The following LANCL1 variants were observed in gnomAD, a reference collection of about 807,000 sequenced individuals.
LANCL1 encodes LanC like glutathione S-transferase 1, also known as glutathione S-transferase LANCL1.
LANCL1 carries 50 observed loss-of-function variants against 50.6 expected under a neutral mutation model. The ratio of observed to expected loss-of-function variants is 0.99; its 90% confidence interval spans 0.79 to 1.25. The LOEUF is 1.25. Ranked by LOEUF, LANCL1 falls within the 50% of genes most tolerant of loss-of-function variation. The pLI, the probability that LANCL1 is intolerant of heterozygous loss-of-function variation, is 0.00. For missense variants in LANCL1, 532 were observed against 480.7 expected (o/e 1.11, Z -1.00); for synonymous variants, 188 against 178.6 (o/e 1.05, Z -0.42).
chr2:210,456,034 T>A (rs1693665067), intron 3 of LANCL1, among the ~76,000 whole-genome samples: 1 of 152,174 alleles, frequency 6.6e-6, no homozygotes, highest in Non-Finnish European at 1.5e-5. Context: ...ACCCTACTCT[T>A]GAAGCCTGAA....
chr2:210,451,314 G>A (rs1027600117), intron 4 of LANCL1, among the ~76,000 whole-genome samples: 1 of 151,970 alleles, frequency 6.6e-6, no homozygotes, highest in Non-Finnish European at 1.5e-5. Context: ...CACACACCGG[G>A]GCCTGTCAGG....
chr2:210,474,718 C>A (rs1056405295), intron 2 of LANCL1, among the ~76,000 whole-genome samples: 7 of 120,952 alleles, frequency 5.8e-5, no homozygotes, highest in African/African-American at 2.3e-4. Context: ...GGGTGAGACT[C>A]CGTCTAAAAA....
intron 4 of LANCL1, among the ~76,000 whole-genome samples, chr2:210,450,300 A>G (rs1693473899): frequency 6.6e-6 from 1 of 152,120 alleles, no homozygotes; most frequent in Non-Finnish European, 1.5e-5. Context: ...TATACAGAAA[A>G]CTGAAACTGG....
intron 4 of LANCL1, among the ~76,000 whole-genome samples, chr2:210,451,289 C>T (rs113203861): frequency 0.08 from 12,040 of 149,762 alleles, 736 homozygotes; most frequent in Middle Eastern, 0.16. Flanking sequence ...CACATGGACA[C>T]GGGGAGGGGA....
At chr2:210,436,150 C>G in intron 8 of LANCL1, 66 bp downstream of exon 8, 2 of 1,430,470 alleles carry the variant, frequency 1.4e-6, no homozygotes, top group East Asian at 4.6e-5. Flanking sequence ...CTCAGCCTCC[C>G]AAAGTGCTGA....
intron 4 of LANCL1, among the ~76,000 whole-genome samples, chr2:210,452,616 G>C (rs978756556): frequency 1.3e-5 from 2 of 152,038 alleles, no homozygotes; most frequent in African/African-American, 4.8e-5. Context: ...AATATAATTT[G>C]GGGGTTTTAT....
intron 2 of LANCL1, among the ~76,000 whole-genome samples, chr2:210,472,607 A>C (rs1273742043): frequency 6.6e-6 from 1 of 152,234 alleles, no homozygotes; most frequent in Non-Finnish European, 1.5e-5. Context: ...TATCAAACTT[A>C]GCATCATAAA....
intron 8 of LANCL1, 43 bp downstream of exon 8, chr2:210,436,173 T>G: frequency 6.4e-7 from 1 of 1,571,794 alleles, no homozygotes; most frequent in Non-Finnish European, 8.7e-7. Context: ...TTTACAGGTG[T>G]GAGCCACCGA....
chr2:210,472,705 T>G (rs1277892897), intron 2 of LANCL1, among the ~76,000 whole-genome samples: 1 of 152,230 alleles, frequency 6.6e-6, no homozygotes, highest in Non-Finnish European at 1.5e-5. Context: ...TACCCGCTAT[T>G]AGCTGATCTT....
At chr2:210,467,189 C>T (rs10184506) in intron 3 of LANCL1, among the ~76,000 whole-genome samples, 20,005 of 152,228 alleles carry the variant, frequency 0.13, 1,695 homozygotes, top group African/African-American at 0.22. Flanking sequence ...ATTTCTGACA[C>T]GGATTCGTAT....
chr2:210,438,019 T>G, intron 6 of LANCL1, 147 bp from the exon 7 acceptor site: 1 of 512,980 alleles, frequency 1.9e-6, no homozygotes, highest in East Asian at 3.2e-5. Context: ...TTCCACCTAT[T>G]GGATGCCTTT....
intron 7 of LANCL1, among the ~76,000 whole-genome samples, chr2:210,436,608 C>A (rs1422700239): frequency 6.6e-6 from 1 of 152,112 alleles, no homozygotes; most frequent in Non-Finnish European, 1.5e-5. Flanking sequence ...CATGTACAGT[C>A]TAAGTTTTCT....
chr2:210,453,855 C>A (rs1004334908), intron 4 of LANCL1, among the ~76,000 whole-genome samples: 1 of 152,064 alleles, frequency 6.6e-6, no homozygotes, highest in Non-Finnish European at 1.5e-5. Context: ...GGGGAAATCA[C>A]TGTTTTGTTT....
Position 210,455,135 on chromosome 2 carries a change from CATT to C in LANCL1, c.376_378del (p.Asn126del). On this transcript the variant is annotated inframe_deletion, in exon 4 of 10. Transcript: ENST00000450366. The stretch of plus-strand genomic sequence containing the variant: ...GTGATGCAATCTTCTGCCTGCTTCT[CATT>C]GTTCATCTTGTGATATAGCACAGCG... The C allele has an allele frequency of 6.2e-7, 1 of 1,613,624 alleles. No homozygotes were observed.
At chr2:210,474,108 T>C (rs3770685) in intron 2 of LANCL1, among the ~76,000 whole-genome samples, 78,312 of 152,102 alleles carry the variant, frequency 0.51, 20,905 homozygotes, top group East Asian at 0.61. Context: ...TGTGAGAATA[T>C]TGATTGCTTG....
intron 4 of LANCL1, among the ~76,000 whole-genome samples, chr2:210,449,683 A>G (rs1196040354): frequency 6.6e-6 from 1 of 152,222 alleles, no homozygotes; most frequent in Admixed American, 6.5e-5. Flanking sequence ...AAAAATCACA[A>G]GCATTCCTAT....
intron 6 of LANCL1, among the ~76,000 whole-genome samples, chr2:210,440,328 T>TA (rs1286535463): frequency 6.6e-6 from 1 of 152,228 alleles, no homozygotes; most frequent in Non-Finnish European, 1.5e-5. Flanking sequence ...CAAAACACTT[T>TA]AGTCTGCACA....
rs1355202918 is a variant in LANCL1 at position 210,433,745 on chromosome 2, G to A, written c.*742C>T. ...CTCAGATTATTTTAGAGAAAACACAGACTGTTATTGTTAGCTTATCTTAAA... is the reference window on the plus strand; with the variant it reads ...CTCAGATTATTTTAGAGAAAACACAAACTGTTATTGTTAGCTTATCTTAAA... On this transcript the variant is annotated 3_prime_UTR_variant, in exon 10 of 10. Transcript: ENST00000450366. The A allele has an allele frequency of 6.6e-6, 1 of 152,074 alleles. No homozygotes were observed. The highest frequency in any genetic ancestry group is 1.5e-5 in the Non-Finnish European group (1 of 67,992). 9.4% of individuals were successfully genotyped at this position (152,074 alleles called of 1,614,324 possible).
chr2:210,441,906 A>C (rs1354905143), intron 4 of LANCL1, among the ~76,000 whole-genome samples: 3 of 137,064 alleles, frequency 2.2e-5, no homozygotes, highest in African/African-American at 9.4e-5. Flanking sequence ...TAATACATGT[A>C]CATTTTTTTT....
Sources: allele counts gnomAD v4.1 joint callset (sites outside exome capture counted in the v4.1 genomes callset), GRCh38; gene constraint gnomAD v4.1.1; transcripts MANE v1.5; gene names NCBI Gene and HGNC (gene_info 2026-07-23, HGNC 2026-07-21).